Variants in PCSK5 observed in about 807,000 individuals in gnomAD.
The protein encoded by PCSK5 is prohormone convertase 5.
In PCSK5, 129 loss-of-function variants were observed where a neutral mutation model predicts 233.2. The ratio of observed to expected loss-of-function variants is 0.55; its 90% confidence interval spans 0.48 to 0.64. The LOEUF (loss-of-function observed/expected upper bound fraction) is 0.64. PCSK5 is among the 30% of genes least tolerant of loss of function. The pLI is 0.00. For synonymous variants in PCSK5, 825 were observed against 879.2 expected (o/e 0.94, Z 1.09); for missense variants, 2,076 against 2,430.1 (o/e 0.85, Z 3.06).
chr9:76,184,387 G>GAAAAAAAA (rs11397439), intron 16 of PCSK5, among the ~76,000 whole-genome samples: 3 of 149,356 alleles, frequency 2.0e-5, no homozygotes, highest in Non-Finnish European at 4.5e-5. Flanking sequence ...GGAAGAAGAA[G>GAAAAAAAA]AAAAAAAAAA....
intron 5 of PCSK5, among the ~76,000 whole-genome samples, chr9:76,046,201 G>T: frequency 1.2e-5 from 1 of 83,108 alleles, no homozygotes; most frequent in African/African-American, 4.6e-5. Flanking sequence ...TTTTTGAGAC[G>T]GAGTCTCGCC....
At chr9:76,250,132 C>A (rs988463770) in intron 24 of PCSK5, among the ~76,000 whole-genome samples, 6 of 152,250 alleles carry the variant, frequency 3.9e-5, no homozygotes, top group South Asian at 2.1e-4. Context: ...TGGTGAAACC[C>A]TGTCTCTAAA....
intron 20 of PCSK5, among the ~76,000 whole-genome samples, chr9:76,199,264 A>T (rs1487078070): frequency 6.6e-6 from 1 of 152,218 alleles, no homozygotes; most frequent in East Asian, 1.9e-4. Flanking sequence ...ACAGCATGTT[A>T]CCGTACTGAA....
intron 1 of PCSK5, among the ~76,000 whole-genome samples, chr9:75,903,442 A>ATTGAACCTAGTTAAGAT (rs1478540827): frequency 6.6e-6 from 1 of 151,464 alleles, no homozygotes; most frequent in Non-Finnish European, 1.5e-5. Flanking sequence ...CCATGCCAGC[A>ATTGAACCTAGTTAAGAT]TTGAACCTAG....
chr9:76,283,521 T>G (rs1265019355), intron 24 of PCSK5, among the ~76,000 whole-genome samples: 1 of 152,236 alleles, frequency 6.6e-6, no homozygotes, highest in Non-Finnish European at 1.5e-5. Context: ...GCTTACTTAA[T>G]AGACTACAGT....
chr9:75,971,456 G>A (rs939875514), intron 2 of PCSK5, among the ~76,000 whole-genome samples: 4 of 152,134 alleles, frequency 2.6e-5, no homozygotes, highest in African/African-American at 9.7e-5. Context: ...CCCAGTAATG[G>A]GATTTCTGGG....
chr9:76,105,638 G>A (rs116550800), intron 8 of PCSK5, among the ~76,000 whole-genome samples: 389 of 152,324 alleles, frequency 2.6e-3, no homozygotes, highest in African/African-American at 8.9e-3. Flanking sequence ...CATCCTGCAA[G>A]CATCACATGT....
At chr9:76,014,802 A>G (rs145668140) in intron 3 of PCSK5, among the ~76,000 whole-genome samples, 6 of 152,316 alleles carry the variant, frequency 3.9e-5, no homozygotes, top group East Asian at 1.9e-4. Flanking sequence ...CACATTCCCT[A>G]TGCTCTTTCT....
intron 20 of PCSK5, chr9:76,193,461 C>CTTTTCTTGCTCTCT (rs992941201): frequency 8.9e-6 from 7 of 784,542 alleles, no homozygotes; most frequent in African/African-American, 3.6e-5. Flanking sequence ...CTCTCTCTTT[C>CTTTTCTTGCTCTCT]TTTTCTTGCT....
At chr9:76,032,908 G>A (rs1023283414) in intron 5 of PCSK5, among the ~76,000 whole-genome samples, 1 of 152,160 alleles carries the variant, frequency 6.6e-6, no homozygotes, top group Non-Finnish European at 1.5e-5. Flanking sequence ...AGCGGTATGT[G>A]GGCCCAGAGT....
intron 10 of PCSK5, among the ~76,000 whole-genome samples, chr9:76,147,852 C>T (rs1395487390): frequency 6.6e-6 from 1 of 152,104 alleles, no homozygotes. Context: ...CCATTTGCTC[C>T]CAGCCACATC....
rs188056578 is a variant in PCSK5 at position 76,106,043 on chromosome 9, C to T, written c.1108-1208C>T. On this transcript the variant is annotated intron_variant, in intron 8 of 37. Transcript: ENST00000674117. ...TGTGAAGATCAAGTTTCTTTCCAAA[C>T]CAAATTTAACTAATTTTCACACTCC... is the stretch of plus-strand genomic sequence containing the variant. 3.3e-5 allele frequency among the ~76,000 whole-genome samples: 5 copies of T among 152,322 alleles called. No individual in the cohort carries two copies. In the East Asian group the frequency reaches 7.7e-4, roughly 24 times the overall value.
At position 75,900,587 on chromosome 9, in the gene PCSK5, G is replaced by A. The variant is rs115343017; in HGVS notation, c.192+9214G>A. ...GCAGCTACCCGGGAGGCTGAGGTGG[G>A]ACAGTTGCTTGAGCCCGGGAGGCTG... On this transcript the variant is annotated intron_variant, in intron 1 of 37. Coordinates refer to ENST00000674117, the MANE Select transcript of PCSK5 (RefSeq NM_001372043.1). 2.7e-3 allele frequency among the ~76,000 whole-genome samples: 409 copies of A among 150,510 alleles called. 2 individuals are homozygous for A. Among genetic ancestry groups the A allele is most frequent in the African/African-American group, 9.7e-3 (397 of 41,034 alleles).
In PCSK5 at chr9:76,355,411, C is replaced by T. The variant is rs188075209; in HGVS notation, c.5254+1192C>T. On this transcript the variant is annotated intron_variant, in intron 37 of 37. Coordinates refer to ENST00000674117, the MANE Select transcript of PCSK5 (RefSeq NM_001372043.1). ...TGGCGTGAACCCGGGAGGCAGAGCT[C>T]GCAGTGAGCCAAGATCGTGCCACTG... Among the ~76,000 whole-genome samples, 206 of 151,828 alleles carry T rather than the reference C, an allele frequency of 1.4e-3. 1 individual carries two copies. The highest frequency in any genetic ancestry group is 4.8e-3 in the African/African-American group (199 of 41,402).
intron 30 of PCSK5, among the ~76,000 whole-genome samples, chr9:76,312,611 TGAGTATAAATATA>T (rs933154410): frequency 7.9e-5 from 12 of 152,010 alleles, no homozygotes; most frequent in Admixed American, 5.2e-4. Flanking sequence ...ATATAAGTTA[TGAGTATAAATATA>T]GAGTATAAAT....
intron 2 of PCSK5, among the ~76,000 whole-genome samples, chr9:75,957,215 A>G (rs1825133334): frequency 6.6e-6 from 1 of 152,130 alleles, no homozygotes; most frequent in South Asian, 2.1e-4. Context: ...TCTTTTTGTT[A>G]AACTGAATCT....
intron 5 of PCSK5, among the ~76,000 whole-genome samples, chr9:76,058,398 C>A (rs1207391871): frequency 1.5e-4 from 23 of 152,122 alleles, no homozygotes. Context: ...ACAAAACCTA[C>A]ACATAGTGAG....
At chr9:76,143,624 CT>C (rs1739675144) in intron 10 of PCSK5, among the ~76,000 whole-genome samples, 1 of 151,724 alleles carries the variant, frequency 6.6e-6, no homozygotes, top group Admixed American at 6.6e-5. Flanking sequence ...TATTTGTGAC[CT>C]TAAGACTGAG....
chr9:76,345,952 T>C (rs11144846), intron 35 of PCSK5, among the ~76,000 whole-genome samples: 34,842 of 151,776 alleles, frequency 0.23, 4,145 homozygotes, highest in Middle Eastern at 0.42. Context: ...ATTCCTGGTC[T>C]CAAGTGATCA....
Sources: allele counts gnomAD v4.1 joint callset (sites outside exome capture counted in the v4.1 genomes callset), GRCh38; gene constraint gnomAD v4.1.1; transcripts MANE v1.5; gene names NCBI Gene and HGNC (gene_info 2026-07-23, HGNC 2026-07-21).